Variants in MTFR1 observed in about 807,000 individuals in gnomAD.
MTFR1 encodes the protein mitochondrial fission regulator 1, also known as chondrocyte protein with a poly-proline region.
MTFR1 carries 28 observed loss-of-function variants against 38.8 expected under a neutral mutation model. The ratio of observed to expected loss-of-function variants is 0.72; its 90% CI spans 0.53 to 0.99. MTFR1 has a LOEUF of 0.99. MTFR1 is among the 50% of genes least tolerant of loss of function. The probability of loss-of-function intolerance (pLI) is 0.00; values close to 1 mark genes in which losing one functional copy is unlikely to be tolerated. For synonymous variants in MTFR1, 145 were observed against 137.0 expected (o/e 1.06, Z -0.41); for missense variants, 358 against 395.5 (o/e 0.91, Z 0.81).
chr8:65,683,723 T>A (rs1467968998), intron 3 of MTFR1, among the ~76,000 whole-genome samples: 5 of 150,924 alleles, frequency 3.3e-5, no homozygotes, highest in East Asian at 1.9e-4. Context: ...TTCTTTTTCT[T>A]TTTTTTTTGG....
intron 3 of MTFR1, among the ~76,000 whole-genome samples, chr8:65,720,932 G>A (rs1208380558): frequency 6.6e-6 from 1 of 152,176 alleles, no homozygotes; most frequent in Non-Finnish European, 1.5e-5. Context: ...TATTATTATA[G>A]GTTTCATACC....
intron 3 of MTFR1, chr8:65,727,583 C>T (rs1806665809): frequency 3.6e-6 from 1 of 274,130 alleles, no homozygotes; most frequent in Non-Finnish European, 6.8e-6. Flanking sequence ...ATTAAAATGG[C>T]AGCTAAAACA....
chr8:65,769,849 T>C (rs1808991670), intron 3 of MTFR1, among the ~76,000 whole-genome samples: 1 of 152,174 alleles, frequency 6.6e-6, no homozygotes, highest in Non-Finnish European at 1.5e-5. Flanking sequence ...TGAGCCAAGA[T>C]TGTGCCATTG....
intron 3 of MTFR1, among the ~76,000 whole-genome samples, chr8:65,687,357 T>C (rs1269718027): frequency 1.3e-5 from 2 of 151,452 alleles, no homozygotes; most frequent in Non-Finnish European, 2.9e-5. Flanking sequence ...CTTTTTTTTT[T>C]TTTTTTTGAG....
intron 2 of MTFR1, chr8:65,679,800 T>C (rs2129053116): frequency 6.6e-6 from 1 of 152,356 alleles, no homozygotes; most frequent in South Asian, 2.1e-4. Context: ...CCTCACGTTA[T>C]TAAGACTACT....
chr8:65,711,396 A>AACTT (rs1277394330), downstream of MTFR1, among the ~76,000 whole-genome samples: 1 of 152,196 alleles, frequency 6.6e-6, no homozygotes, highest in African/African-American at 2.4e-5. Flanking sequence ...TAGTTCTGAT[A>AACTT]ACTTCCCCAG....
At chr8:65,739,916 C>T (rs1038475950) in intron 3 of MTFR1, among the ~76,000 whole-genome samples, 19 of 152,122 alleles carry the variant, frequency 1.2e-4, no homozygotes, top group Non-Finnish European at 8.8e-5. Context: ...AATTGTCCCA[C>T]ATAGTAACCT....
chr8:65,753,267 A>C (rs1808052500), intron 3 of MTFR1, among the ~76,000 whole-genome samples: 1 of 152,182 alleles, frequency 6.6e-6, no homozygotes, highest in South Asian at 2.1e-4. Flanking sequence ...CTTTGTACCA[A>C]GTTCTTAATG....
chr8:65,726,841 A>C, intron 3 of MTFR1: 1 of 1,116,274 alleles, frequency 9.0e-7, no homozygotes, highest in South Asian at 1.3e-5. Context: ...TTCTATAACC[A>C]GTAACAAATT....
intron 3 of MTFR1, among the ~76,000 whole-genome samples, chr8:65,730,165 G>A (rs577755718): frequency 1.9e-4 from 17 of 91,072 alleles, no homozygotes; most frequent in East Asian, 5.6e-4. Context: ...TCCAGGTTGC[G>A]CACTTCTTTT....
chr8:65,660,713 T>C (rs1447133861), intron 1 of MTFR1, among the ~76,000 whole-genome samples: 5 of 152,326 alleles, frequency 3.3e-5, no homozygotes, highest in South Asian at 2.1e-4. Context: ...TTGTTGGTTC[T>C]CTCTGGAGAA....
At chr8:65,662,150 G>C (rs141969795) in intron 1 of MTFR1, among the ~76,000 whole-genome samples, 10,649 of 149,962 alleles carry the variant, frequency 0.071, 1,309 homozygotes, top group African/African-American at 0.25. Flanking sequence ...GATGCCGAGC[G>C]GAAGCTGGAC....
chr8:65,652,080 T>C (rs1299728485), intron 1 of MTFR1, among the ~76,000 whole-genome samples: 4 of 152,074 alleles, frequency 2.6e-5, no homozygotes, highest in Non-Finnish European at 1.5e-5. Context: ...TAGTTGGGAC[T>C]ACAGGCACAT....
rs946006367 is a variant in MTFR1, at chr8:65,707,400, T to C, written c.764+144T>C. On this transcript the variant is annotated intron_variant, in intron 6 of 7. Transcript: ENST00000262146. Reference sequence around the variant, plus strand: ...AAAAGATGAGCCCCAGTGGCTTCTATACACAGTAGCTAAGAGATTAGCAAA... The same window carrying C: ...AAAAGATGAGCCCCAGTGGCTTCTACACACAGTAGCTAAGAGATTAGCAAA... The C allele has an allele frequency of 3.8e-6, 3 of 787,936 alleles. No homozygotes were observed. The African/African-American group carries it at 5.3e-5, about 14-fold the overall frequency. 48.8% of individuals were successfully genotyped at this position (787,936 alleles called of 1,614,324 possible). A position where few individuals can be genotyped will look rare whatever the true frequency, so the allele number is the denominator to read the frequency against.
intron 3 of MTFR1, chr8:65,739,585 A>G: frequency 6.5e-7 from 1 of 1,532,356 alleles, no homozygotes; most frequent in South Asian, 1.3e-5. Context: ...GGTTAAGCTT[A>G]CTAGACTATT....
rs1805832462 is a variant in MTFR1, at chr8:65,707,901, G to A, written c.823G>A (p.Ala275Thr). The A allele has an allele frequency of 6.2e-7, 1 of 1,614,152 alleles. No individual in the cohort carries two copies. The highest frequency in any genetic ancestry group is 1.1e-5 in the South Asian group (1 of 91,088). ...TGCTACTGACCCTGCTGCCCTCATA[G>A]CAGAGGCTCTGAAAAAGAAATTTGC... ...VDATDPAALI[A>T]EALKKKFAYR... Residue 275 changes from alanine (A) to threonine (T), a missense_variant, in exon 7 of 8, where the codon GCA becomes ACA. By Grantham distance (58) the Ala-to-Thr change is moderately conservative. Coordinates refer to ENST00000262146, the MANE Select transcript of MTFR1 (RefSeq NM_014637.4).
At chr8:65,694,356 T>C (rs933063948) in intron 4 of MTFR1, among the ~76,000 whole-genome samples, 1 of 152,124 alleles carries the variant, frequency 6.6e-6, no homozygotes, top group Non-Finnish European at 1.5e-5. Flanking sequence ...ATTACAGACG[T>C]GAGCCACCAC....
chr8:65,655,970 C>CATATATATATATGTATATATATATATAT (rs1563432914), intron 1 of MTFR1, among the ~76,000 whole-genome samples: 1 of 53,636 alleles, frequency 1.9e-5, no homozygotes, highest in Non-Finnish European at 3.1e-5. Flanking sequence ...ATATATATAC[C>CATATATATATATGTATATATATATATAT]ATATATATAT....
rs1217328384 is a variant in MTFR1, at chr8:65,669,961, C to G, written c.9C>G (p.Gly3=). 1 of 1,603,794 alleles carries G rather than the reference C, an allele frequency of 6.2e-7. No individual in the cohort carries two copies. The highest frequency in any genetic ancestry group is 2.3e-5 in the East Asian group (1 of 44,212). Residue 3 remains glycine, a synonymous_variant, in exon 2 of 8, where the codon GGC becomes GGG. Coordinates refer to ENST00000262146, the MANE Select transcript of MTFR1 (RefSeq NM_014637.4). ML[G]WIKRLIRMVF... ...GAGACTTTGCCATATAAATGCTTGG[C>G]TGGATTAAGCGCCTAATTAGGATGG...
Sources: gnomAD v4.1 joint callset for allele counts (sites outside exome capture counted in the v4.1 genomes callset) on GRCh38, gnomAD v4.1.1 for gene constraint, MANE v1.5 for transcripts, NCBI Gene and HGNC (gene_info 2026-07-23, HGNC 2026-07-21) for gene names.